GAS2: variants seen among roughly 807,000 people sequenced by gnomAD.
The protein encoded by GAS2 is growth arrest specific 2.
GAS2 carries 20 observed loss-of-function variants against 37.5 expected under a neutral mutation model. The ratio of observed to expected loss-of-function variants is 0.53; its 90% CI spans 0.37 to 0.77. GAS2 has a LOEUF of 0.77. Among genes scored for constraint, GAS2 ranks in the 30% least tolerant of loss-of-function variants. GAS2 has a pLI of 0.00. For missense variants in GAS2, 336 were observed against 373.4 expected (o/e 0.90, Z 0.82); for synonymous variants, 144 against 132.2 (o/e 1.09, Z -0.61).
intron 1 of GAS2, among the ~76,000 whole-genome samples, chr11:22,649,941 A>G (rs1418177255): frequency 6.6e-6 from 1 of 151,366 alleles, no homozygotes; most frequent in East Asian, 1.9e-4. Context: ...GATTTTAGTT[A>G]TTTCTTGTCT....
intron 1 of GAS2, among the ~76,000 whole-genome samples, chr11:22,674,449 G>A (rs1403646774): frequency 2.6e-5 from 4 of 152,114 alleles, no homozygotes; most frequent in Admixed American, 2.6e-4. Flanking sequence ...CATTGCCAGT[G>A]TTCAGTCATA....
At chr11:22,747,978 G>C (rs996629830) in intron 5 of GAS2, among the ~76,000 whole-genome samples, 1 of 151,576 alleles carries the variant, frequency 6.6e-6, no homozygotes, top group Non-Finnish European at 1.5e-5. Flanking sequence ...GTTAGAATAG[G>C]ACAATTACTT....
chr11:22,718,692 C>A (rs1042475486), intron 3 of GAS2, among the ~76,000 whole-genome samples: 7 of 151,836 alleles, frequency 4.6e-5, no homozygotes, highest in Admixed American at 2.0e-4. Context: ...ATATTAAAAT[C>A]TTTCTATTAC....
chr11:22,671,129 T>A (rs1423351567), intron 1 of GAS2, among the ~76,000 whole-genome samples: 1 of 152,136 alleles, frequency 6.6e-6, no homozygotes, highest in Non-Finnish European at 1.5e-5. Flanking sequence ...ACAAAGTCAT[T>A]ATTTTTTTCT....
chr11:22,675,576 A>G (rs1171597174), intron 2 of GAS2, among the ~76,000 whole-genome samples: 1 of 152,048 alleles, frequency 6.6e-6, no homozygotes, highest in East Asian at 1.9e-4. Context: ...ACCTCATGCT[A>G]CCTCCTGGTA....
intron 3 of GAS2, among the ~76,000 whole-genome samples, chr11:22,687,024 A>T (rs1250922712): frequency 2.0e-5 from 3 of 152,060 alleles, no homozygotes; most frequent in Non-Finnish European, 4.4e-5. Context: ...AGCATCTTTT[A>T]AAAAAATGCT....
intron 1 of GAS2, among the ~76,000 whole-genome samples, chr11:22,640,133 A>C (rs1170138677): frequency 6.6e-6 from 1 of 152,194 alleles, no homozygotes; most frequent in Non-Finnish European, 1.5e-5. Context: ...GAGGAATTAA[A>C]AGATAGAGTT....
At chr11:22,789,425 G>GATATATATATATATATAT (rs35755438) in intron 7 of GAS2, among the ~76,000 whole-genome samples, 4 of 30,654 alleles carry the variant, frequency 1.3e-4, no homozygotes, top group African/African-American at 3.6e-4. Flanking sequence ...TCTCATATGA[G>GATATATATATATATATAT]ATATATATAT....
intron 7 of GAS2, among the ~76,000 whole-genome samples, chr11:22,768,447 A>G (rs948103212): frequency 6.6e-5 from 10 of 152,126 alleles, no homozygotes; most frequent in African/African-American, 1.2e-4. Context: ...TTTCATGCCA[A>G]CTTCTAATCT....
intron 1 of GAS2, among the ~76,000 whole-genome samples, chr11:22,656,452 T>C (rs909455635): frequency 6.6e-6 from 1 of 152,218 alleles, no homozygotes; most frequent in African/African-American, 2.4e-5. Context: ...TACCAAATTG[T>C]GTGAAGGATA....
chr11:22,750,855 T>G, intron 6 of GAS2, among the ~76,000 whole-genome samples: 1 of 151,992 alleles, frequency 6.6e-6, no homozygotes, highest in Admixed American at 6.6e-5. Flanking sequence ...TTCATTCATT[T>G]TTTTTTAAAT....
chr11:22,630,246 G>A lies in GAS2; in HGVS notation c.-21+4433G>A, dbSNP rs959514655. Among the ~76,000 whole-genome samples, 35 of 152,016 alleles carry A rather than the reference G, an allele frequency of 2.3e-4. 1 individual carries two copies. The highest frequency in any genetic ancestry group is 8.5e-4 in the African/African-American group (35 of 41,334). Reference sequence around the variant, plus strand: ...TGGTGTGTGATGTTCCCCTTCCTGTGTCCAAGTGTTCTCATTGTTCAGTTC... The same window carrying A: ...TGGTGTGTGATGTTCCCCTTCCTGTATCCAAGTGTTCTCATTGTTCAGTTC... On this transcript the variant is annotated intron_variant, in intron 1 of 5. Coordinates refer to the GAS2 transcript ENST00000528582.
At chr11:22,648,072 C>G (rs1160413715) in intron 1 of GAS2, among the ~76,000 whole-genome samples, 2 of 152,166 alleles carry the variant, frequency 1.3e-5, no homozygotes, top group Non-Finnish European at 2.9e-5. Flanking sequence ...ACGTTTAAGT[C>G]TTCAATCCAT....
intron 7 of GAS2, among the ~76,000 whole-genome samples, chr11:22,791,975 T>G (rs1856186843): frequency 6.6e-6 from 1 of 152,204 alleles, no homozygotes; most frequent in Admixed American, 6.6e-5. Flanking sequence ...CACAGGAAGG[T>G]GTTTATCAGA....
chr11:22,705,420 G>A (rs1851066030), intron 3 of GAS2, among the ~76,000 whole-genome samples: 1 of 152,138 alleles, frequency 6.6e-6, no homozygotes, highest in Admixed American at 6.6e-5. Flanking sequence ...TGCCTTTCAA[G>A]AATGCTTTTC....
At chr11:22,696,292 A>G (rs529744168) in intron 3 of GAS2, among the ~76,000 whole-genome samples, 19 of 151,854 alleles carry the variant, frequency 1.3e-4, no homozygotes, top group Non-Finnish European at 1.9e-4. Flanking sequence ...TTATGGCTGC[A>G]TAGTATTCCA....
At chr11:22,719,243 T>C (rs766429933) in intron 3 of GAS2, among the ~76,000 whole-genome samples, 2 of 152,114 alleles carry the variant, frequency 1.3e-5, no homozygotes, top group Non-Finnish European at 2.9e-5. Flanking sequence ...GTCACCAGGT[T>C]GTACAATAGA....
chr11:22,723,584 A>G (rs337445), intron 3 of GAS2, among the ~76,000 whole-genome samples: 55,964 of 151,622 alleles, frequency 0.37, 10,523 homozygotes, highest in East Asian at 0.63. Flanking sequence ...TTTTTGCCAC[A>G]TAGATCATGT....
chr11:22,783,817 T>C (rs1162699907), intron 7 of GAS2, among the ~76,000 whole-genome samples: 1 of 152,226 alleles, frequency 6.6e-6, no homozygotes, highest in East Asian at 1.9e-4. Context: ...TGGGTGTTTT[T>C]TTGTATATGT....
Sources: allele counts gnomAD v4.1 joint callset (sites outside exome capture counted in the v4.1 genomes callset), GRCh38; gene constraint gnomAD v4.1.1; transcripts MANE v1.5; gene names NCBI Gene and HGNC (gene_info 2026-07-23, HGNC 2026-07-21).